Variants in RNF150 observed in about 807,000 individuals in gnomAD.
The protein encoded by RNF150 is ring finger protein 150.
RNF150 carries 24 observed loss-of-function variants against 39.3 expected under a neutral mutation model. That is an observed-to-expected ratio of 0.61 (90% CI 0.44 to 0.86). The LOEUF (loss-of-function observed/expected upper bound fraction) is 0.86, where lower values mean the gene tolerates loss of function less well. Among genes scored for constraint, RNF150 ranks in the 40% least tolerant of loss-of-function variants. RNF150 has a pLI of 0.00. For synonymous variants in RNF150, 255 were observed against 227.3 expected, an observed-to-expected ratio of 1.12 and a Z score of -1.10; for missense variants, 502 against 587.8, an observed-to-expected ratio of 0.85 and a Z score of 1.51.
Position 141,039,673 on chromosome 4 carries a change from G to A in RNF150, c.485-71800C>T, listed in dbSNP as rs142832584. Reference sequence around the variant, plus strand: ...GATGGTCTGGAGGAAAAGGAGAAACGACCCTCACTCAAGCTCTAGCTTAGC... The same window carrying A: ...GATGGTCTGGAGGAAAAGGAGAAACAACCCTCACTCAAGCTCTAGCTTAGC... On this transcript the variant is annotated intron_variant, in intron 1 of 6. Coordinates refer to ENST00000515673, the MANE Select transcript of RNF150 (RefSeq NM_020724.2). Among the ~76,000 whole-genome samples, 501 of 152,166 alleles carry A rather than the reference G, an allele frequency of 3.3e-3. 3 individuals carry two copies. The highest frequency in any genetic ancestry group is 0.012 in the African/African-American group (486 of 41,518).
rs548130920 is a variant in RNF150, at chr4:140,914,348, T to A, written c.988-2994A>T. On this transcript the variant is annotated intron_variant, in intron 5 of 6. Coordinates refer to ENST00000515673, the MANE Select transcript of RNF150 (RefSeq NM_020724.2). ...AACAATATTTTGAAAAGAAACCAAA[T>A]CTACATACCTCTGAGAGAAGACACA... Among the ~76,000 whole-genome samples the A allele has an allele frequency of 7.2e-5, 11 of 152,300 alleles. No homozygotes were observed. In the South Asian group the frequency reaches 2.3e-3, roughly 32 times the overall value.
chr4:141,167,697 A>G (rs899911539), intron 1 of RNF150, among the ~76,000 whole-genome samples: 1 of 152,192 alleles, frequency 6.6e-6, no homozygotes, highest in South Asian at 2.1e-4. Context: ...TGGGGAAAAA[A>G]TTCCCTATTT....
Position 141,132,001 on chromosome 4 carries a change from A to G in RNF150, c.484+324T>C, listed in dbSNP as rs1450174726. Reference sequence around the variant, plus strand: ...CAAACAGGTGCTGGGCCGGTCACTAACCAAGAACAGTATCTGAGCCCTACC... The same window carrying G: ...CAAACAGGTGCTGGGCCGGTCACTAGCCAAGAACAGTATCTGAGCCCTACC... On this transcript the variant is annotated intron_variant, in intron 1 of 6. Coordinates refer to ENST00000515673, the MANE Select transcript of RNF150 (RefSeq NM_020724.2). This position sits in a 1 kb window ranked among gnomAD's most constrained non-coding sequence, Gnocchi z 4.9. 6.6e-6 allele frequency among the ~76,000 whole-genome samples: 1 copy of G among 152,016 alleles called. No individual in the cohort carries two copies. Among genetic ancestry groups the G allele is most frequent in the African/African-American group, 2.4e-5 (1 of 41,382 alleles).
chr4:141,200,327 A>G (rs994800734), intron 1 of RNF150, among the ~76,000 whole-genome samples: 3 of 152,038 alleles, frequency 2.0e-5, no homozygotes, highest in African/African-American at 7.2e-5. Context: ...TTCCATCCTC[A>G]TGACCTAATT....
chr4:141,132,326 C>A lies in RNF150; in HGVS notation c.483G>T (p.Ala161=). The A allele has an allele frequency of 6.3e-7, 1 of 1,575,272 alleles. No individual in the cohort carries two copies. ...NTNETITMPH[A]GVEDIVAIMI... ...CCCCGCGCCCGCTGGGCCACTCACC[C>A]GCGTGGGGCATGGTGATGGTCTCGT... The change falls in exon 1 of 7, where the codon GCG becomes GCT. Residue 161 remains alanine (A), a splice_region_variant and synonymous_variant. Coordinates refer to ENST00000515673, the MANE Select transcript of RNF150 (RefSeq NM_020724.2). This position sits in a 1 kb window ranked among gnomAD's most constrained non-coding sequence, Gnocchi z 4.9.
intron 1 of RNF150, among the ~76,000 whole-genome samples, chr4:141,007,532 G>A (rs73860243): frequency 0.076 from 11,526 of 152,242 alleles, 485 homozygotes; most frequent in Middle Eastern, 0.16. Context: ...GGGAGTCCCA[G>A]TAATCTCGGG....
chr4:141,000,028 AG>A (rs879487766), intron 1 of RNF150, among the ~76,000 whole-genome samples: 3,704 of 43,454 alleles, frequency 0.085, 638 homozygotes, highest in Non-Finnish European at 0.14. Flanking sequence ...AAGAAGAAGA[AG>A]AAGAAGAAGA....
chr4:140,978,468 CTTT>C (rs1733745288), intron 1 of RNF150, among the ~76,000 whole-genome samples: 1 of 152,098 alleles, frequency 6.6e-6, no homozygotes, highest in Non-Finnish European at 1.5e-5. Flanking sequence ...ATGACTCATA[CTTT>C]TTTGAAAGTT....
chr4:141,116,392 C>T (rs1739551869), intron 1 of RNF150, among the ~76,000 whole-genome samples: 1 of 152,170 alleles, frequency 6.6e-6, no homozygotes. Flanking sequence ...TGAAAAAAAG[C>T]TCATCATCAC....
At chr4:140,899,090 G>GT (rs747042489) in intron 6 of RNF150, among the ~76,000 whole-genome samples, 154 of 151,754 alleles carry the variant, frequency 1.0e-3, no homozygotes, top group South Asian at 3.4e-3. Context: ...TTTACTAATG[G>GT]TTTTTTTTTA....
intron 4 of RNF150, among the ~76,000 whole-genome samples, chr4:140,931,285 A>T (rs1044256558): frequency 3.9e-5 from 5 of 129,506 alleles, no homozygotes; most frequent in African/African-American, 8.5e-5. Context: ...TACAAATTTT[A>T]AAAAAATCAG....
Position 140,903,623 on chromosome 4 carries a change from G to A in RNF150, c.1198+7521C>T, listed in dbSNP as rs138431570. 3.6e-3 allele frequency among the ~76,000 whole-genome samples: 548 copies of A among 152,242 alleles called. 3 individuals carry two copies. Among genetic ancestry groups the A allele is most frequent in the Admixed American group, 8.7e-3 (133 of 15,278 alleles). On this transcript the variant is annotated intron_variant, in intron 6 of 6. Coordinates refer to ENST00000515673, the MANE Select transcript of RNF150 (RefSeq NM_020724.2). ...AGGTCTGCCCCCCAGCCCTTTGCCC[G>A]GCTTATGCTGGTAACAGTTGCTGAG... is the stretch of plus-strand genomic sequence containing the variant.
In RNF150 at chr4:141,132,367, C is replaced by G. The variant is rs1452593993; in HGVS notation, c.442G>C (p.Val148Leu). Reference protein sequence around the residue: ...QNASAVVIFNVGSNTNETITM... With the variant: ...QNASAVVIFNLGSNTNETITM... ...ATGGTCTCGTTGGTGTTGGAGCCCA[C>G]GTTGAAGATGACCACGGCTGAGGCG... is the stretch of plus-strand genomic sequence containing the variant. Residue 148 changes from valine (V) to leucine (L), a missense_variant, in exon 1 of 7, where the codon GTG (valine) becomes CTG (leucine). Transcript: ENST00000515673. This position sits in a 1 kb window ranked among gnomAD's most constrained non-coding sequence, Gnocchi z 4.9. 2 of 1,596,918 alleles carry G rather than the reference C, an allele frequency of 1.3e-6. No homozygotes were observed. The highest frequency in any genetic ancestry group is 1.7e-6 in the Non-Finnish European group (2 of 1,172,088).
chr4:141,025,011 T>A (rs947763921), intron 1 of RNF150, among the ~76,000 whole-genome samples: 1 of 152,192 alleles, frequency 6.6e-6, no homozygotes, highest in Non-Finnish European at 1.5e-5. Context: ...TTGTATTGTG[T>A]GAATCAAGTT....
chr4:140,934,082 C>G (rs1731747180), intron 4 of RNF150, among the ~76,000 whole-genome samples: 1 of 152,214 alleles, frequency 6.6e-6, no homozygotes, highest in Admixed American at 6.5e-5. Context: ...GTGATCTAGG[C>G]TCACTGCCAC....
chr4:141,132,836 C>CCCCGCG lies in RNF150; in HGVS notation c.-34_-29dup. The CCCCGCG allele has an allele frequency of 6.3e-7, 1 of 1,592,180 alleles. No individual in the cohort carries two copies. The highest frequency in any genetic ancestry group is 8.6e-7 in the Non-Finnish European group (1 of 1,165,026). On this transcript the variant is annotated 5_prime_UTR_variant, in exon 1 of 7. Transcript: ENST00000515673. This position sits in a 1 kb window ranked among gnomAD's most constrained non-coding sequence, Gnocchi z 4.9. ...TTATCCGCCGGGGCCCCCTCCCCGC[C>CCCCGCG]CCCGCGCCCTCCCTCCGTCCCGTCC...
intron 1 of RNF150, among the ~76,000 whole-genome samples, chr4:141,204,803 G>C (rs1356666331): frequency 6.6e-6 from 1 of 152,074 alleles, no homozygotes. Context: ...TCAGTCTTTG[G>C]TTGAATGTTA....
intron 1 of RNF150, among the ~76,000 whole-genome samples, chr4:141,148,747 A>G (rs1298383595): frequency 3.9e-5 from 6 of 151,988 alleles, no homozygotes; most frequent in Non-Finnish European, 8.8e-5. Context: ...AGCGCTTTTC[A>G]CTCTTAAATG....
intron 6 of RNF150, among the ~76,000 whole-genome samples, chr4:140,882,210 G>A (rs1450429421): frequency 2.0e-5 from 3 of 151,938 alleles, no homozygotes; most frequent in East Asian, 1.9e-4. Flanking sequence ...TAGTAGAGAC[G>A]GGGTTTCACC....
Sources: allele counts gnomAD v4.1 joint callset (sites outside exome capture counted in the v4.1 genomes callset), GRCh38; gene constraint gnomAD v4.1.1; non-coding constraint Gnocchi (gnomAD v3.1); transcripts MANE v1.5; gene names NCBI Gene and HGNC (gene_info 2026-07-23, HGNC 2026-07-21).